Variants in ZNF469 observed in about 807,000 individuals in gnomAD.
The protein encoded by ZNF469 is zinc finger protein 469.
A neutral mutation model predicts 1.0 loss-of-function variants in ZNF469; 1 was observed. The ratio of observed to expected loss-of-function variants is 1.00; its 90% confidence interval spans 0.35 to 4.73. The LOEUF (loss-of-function observed/expected upper bound fraction) is 4.73, where lower values mean the gene tolerates loss of function less well. Ranked by LOEUF, ZNF469 falls within the 30% of genes most tolerant of loss-of-function variation. The pLI is 0.16. For missense variants in ZNF469, 6,100 were observed against 5,356.3 expected, an observed-to-expected ratio of 1.14 and a Z score of -4.33; for synonymous variants, 2,703 against 2,363.4, an observed-to-expected ratio of 1.14 and a Z score of -4.17.
the ZNF469 span, among the ~76,000 whole-genome samples, chr16:88,234,170 C>A: frequency 6.6e-6 from 1 of 152,202 alleles, no homozygotes; most frequent in Non-Finnish European, 1.5e-5. Flanking sequence ...TGGTTGTGAA[C>A]GTAGCACCAA....
the ZNF469 span, among the ~76,000 whole-genome samples, chr16:88,200,193 G>T: frequency 6.6e-6 from 1 of 152,170 alleles, no homozygotes; most frequent in African/African-American, 2.4e-5. Flanking sequence ...CAGGCTTCAC[G>T]CAGAAGGCGG....
the ZNF469 span, among the ~76,000 whole-genome samples, chr16:88,362,148 A>G: frequency 6.6e-6 from 1 of 152,118 alleles, no homozygotes; most frequent in Non-Finnish European, 1.5e-5. Flanking sequence ...ACATTTCCCT[A>G]TCATTTTAGA....
intron 1 of ZNF469, among the ~76,000 whole-genome samples, chr16:88,393,678 G>T (rs1189878489): frequency 6.6e-6 from 1 of 152,228 alleles, no homozygotes; most frequent in Non-Finnish European, 1.5e-5. Context: ...CACACCCTCA[G>T]CCTCAGTTTT....
chr16:88,338,386 C>T, the ZNF469 span, among the ~76,000 whole-genome samples: 5 of 152,236 alleles, frequency 3.3e-5, no homozygotes, highest in East Asian at 9.6e-4. Flanking sequence ...ACCCCCGGCT[C>T]CTGACTCTCC....
chr16:88,231,716 T>A, the ZNF469 span, among the ~76,000 whole-genome samples: 1 of 151,994 alleles, frequency 6.6e-6, no homozygotes. The surrounding 1 kb of genome is among the most constrained non-coding windows in gnomAD (Gnocchi z 4.5). Flanking sequence ...GCCCCCCGCC[T>A]CCCTCTTCAA....
Position 88,383,225 on chromosome 16 carries a change from G to T in ZNF469, c.-221G>T, listed in dbSNP as rs1019722237. ...CGGGAGCTCGTTGGCGGCGGCCGGC[G>T]TGGCGGGCGGAGCGGGCCTCGGAGC... On this transcript the variant is annotated 5_prime_UTR_variant, in exon 1 of 3. Transcript: ENST00000565624. Among the ~76,000 whole-genome samples the T allele has an allele frequency of 1.2e-4, 18 of 147,252 alleles. No homozygotes were observed. Among genetic ancestry groups the T allele is most frequent in the Admixed American group, 1.2e-3 (18 of 14,830 alleles).
upstream of ZNF469, among the ~76,000 whole-genome samples, chr16:88,382,753 C>T (rs574707284): frequency 2.6e-5 from 4 of 152,226 alleles, no homozygotes; most frequent in Non-Finnish European, 5.9e-5. Context: ...GCAGCGTTTC[C>T]GTCTCAGCAG....
chr16:88,360,906 T>A, the ZNF469 span, among the ~76,000 whole-genome samples: 1 of 152,162 alleles, frequency 6.6e-6, no homozygotes, highest in Admixed American at 6.6e-5. Flanking sequence ...GATAATTTTT[T>A]CATGGACAAG....
chr16:88,239,703 ATATATATATATATTTTTTTTT>A, the ZNF469 span, among the ~76,000 whole-genome samples: 7 of 6,318 alleles, frequency 1.1e-3, no homozygotes, highest in East Asian at 0.01. Context: ...ATATATATAT[ATATATATATATATTTTTTTTT>A]TTTTTTTTTT....
chr16:88,394,353 C>T (rs72805318), intron 1 of ZNF469, among the ~76,000 whole-genome samples: 16,809 of 152,296 alleles, frequency 0.11, 1,071 homozygotes, highest in African/African-American at 0.17. Flanking sequence ...GTTTCAGGTG[C>T]TCAGTGGCTT....
the ZNF469 span, among the ~76,000 whole-genome samples, chr16:88,333,651 G>A: frequency 6.6e-6 from 1 of 151,672 alleles, no homozygotes; most frequent in Non-Finnish European, 1.5e-5. Flanking sequence ...CATGAAGGCA[G>A]GAGCACGGAA....
At chr16:88,101,616 G>A in the ZNF469 span, among the ~76,000 whole-genome samples, 1 of 152,106 alleles carries the variant, frequency 6.6e-6, no homozygotes, top group East Asian at 1.9e-4. Flanking sequence ...CCACCCAGGG[G>A]CAGGACGAGT....
chr16:88,117,595 C>T, the ZNF469 span, among the ~76,000 whole-genome samples: 1 of 151,658 alleles, frequency 6.6e-6, no homozygotes, highest in African/African-American at 2.4e-5. Context: ...GTGCCACGTG[C>T]CTTCGGGGAC....
the ZNF469 span, among the ~76,000 whole-genome samples, chr16:88,369,071 T>C: frequency 6.8e-6 from 1 of 147,764 alleles, no homozygotes; most frequent in Non-Finnish European, 1.5e-5. Context: ...AGAGTGAGAT[T>C]CTGTCTCAAA....
upstream of ZNF469, among the ~76,000 whole-genome samples, chr16:88,380,383 A>AGT (rs1168528421): frequency 9.2e-6 from 1 of 108,716 alleles, no homozygotes; most frequent in African/African-American, 7.0e-5. Context: ...ACTCACACGC[A>AGT]CTCACAGACA....
the ZNF469 span, among the ~76,000 whole-genome samples, chr16:88,330,165 C>T: frequency 1.3e-5 from 2 of 152,242 alleles, no homozygotes; most frequent in African/African-American, 4.8e-5. Flanking sequence ...GTCATCACCC[C>T]TAGGCAATGG....
At chr16:88,399,527 C>G (rs2142272496) in intron 1 of ZNF469, among the ~76,000 whole-genome samples, 1 of 152,308 alleles carries the variant, frequency 6.6e-6, no homozygotes, top group African/African-American at 2.4e-5. Flanking sequence ...GTGGCAGGGG[C>G]AGACAGAGCC....
At chr16:88,127,777 G>T in the ZNF469 span, among the ~76,000 whole-genome samples, 1 of 152,190 alleles carries the variant, frequency 6.6e-6, no homozygotes, top group Non-Finnish European at 1.5e-5. Flanking sequence ...TGGATTTGGT[G>T]ACAACAGGAA....
chr16:88,260,879 C>T, the ZNF469 span, among the ~76,000 whole-genome samples: 1 of 152,058 alleles, frequency 6.6e-6, no homozygotes, highest in South Asian at 2.1e-4. The surrounding 1 kb of genome is among the most constrained non-coding windows in gnomAD (Gnocchi z 4.1). Flanking sequence ...TAAGAGGGAA[C>T]AGAAAGAAGT....
Sources: allele counts gnomAD v4.1 joint callset (sites outside exome capture counted in the v4.1 genomes callset), GRCh38; gene constraint gnomAD v4.1.1; non-coding constraint Gnocchi (gnomAD v3.1); transcripts MANE v1.5; gene names NCBI Gene and HGNC (gene_info 2026-07-23, HGNC 2026-07-21).